The following RAB27A variants were observed in gnomAD, a reference collection of about 807,000 sequenced individuals.
RAB27A encodes the protein ras-related protein Rab-27A.
RAB27A carries 17 observed loss-of-function variants against 20.8 expected under a neutral mutation model. That is an observed-to-expected ratio of 0.82 (90% CI 0.56 to 1.23). The LOEUF is 1.23. Ranked by LOEUF, RAB27A falls within the 50% of genes most tolerant of loss-of-function variation. The probability of loss-of-function intolerance (pLI) is 0.00; values close to 1 mark genes in which losing one functional copy is unlikely to be tolerated. For synonymous variants in RAB27A, 85 were observed against 92.8 expected, an observed-to-expected ratio of 0.92 and a Z score of 0.48; for missense variants, 277 against 266.7, an observed-to-expected ratio of 1.04 and a Z score of -0.27.
chr15:55,258,600 C>T (rs534058027), intron 2 of RAB27A, among the ~76,000 whole-genome samples: 27 of 152,204 alleles, frequency 1.8e-4, no homozygotes, highest in Non-Finnish European at 2.9e-4. Flanking sequence ...TTCAGTAATA[C>T]AAGATAATGT....
intron 2 of RAB27A, among the ~76,000 whole-genome samples, chr15:55,296,184 G>A (rs559553684): frequency 1.2e-4 from 18 of 148,762 alleles, no homozygotes; most frequent in East Asian, 4.4e-4. Flanking sequence ...GTGAGCCACC[G>A]TGCCCAGCCC....
chr15:55,275,924 A>AAG (rs1415000502), intron 1 of RAB27A, among the ~76,000 whole-genome samples: 1 of 148,990 alleles, frequency 6.7e-6, no homozygotes, highest in Non-Finnish European at 1.5e-5. Context: ...TAATTAAAAA[A>AAG]AAAAAAAAAA....
At chr15:55,241,005 C>T (rs764160520) in intron 2 of RAB27A, among the ~76,000 whole-genome samples, 6 of 152,118 alleles carry the variant, frequency 3.9e-5, no homozygotes, top group Non-Finnish European at 7.4e-5. Context: ...TGTATACACA[C>T]AAAGTTTGGA....
intron 2 of RAB27A, among the ~76,000 whole-genome samples, chr15:55,296,861 T>C (rs970380651): frequency 6.6e-5 from 10 of 152,036 alleles, no homozygotes; most frequent in African/African-American, 2.4e-4. Context: ...CGTTTTGTCA[T>C]CACCTTCCAC....
chr15:55,211,903 T>A (rs1895042950), intron 6 of RAB27A, among the ~76,000 whole-genome samples: 1 of 151,576 alleles, frequency 6.6e-6, no homozygotes, highest in South Asian at 2.1e-4. Context: ...AAAAACTGGG[T>A]AAATTCAAAT....
At chr15:55,319,117 G>T (rs535526775), upstream of RAB27A, 2 of 1,076,962 alleles carry the variant, frequency 1.9e-6, no homozygotes, top group African/African-American at 1.6e-5. Context: ...CGTCGGGTGG[G>T]AGCTACGAAG....
intron 2 of RAB27A, among the ~76,000 whole-genome samples, chr15:55,262,339 AGACCATC>A (rs1031428187): frequency 1.3e-5 from 2 of 152,060 alleles, no homozygotes; most frequent in African/African-American, 4.8e-5. Context: ...CAGGAGATCC[AGACCATC>A]CTGGCTAACA....
chr15:55,209,778 A>G (rs1360508920), intron 6 of RAB27A, among the ~76,000 whole-genome samples: 1 of 127,864 alleles, frequency 7.8e-6, no homozygotes, highest in Non-Finnish European at 1.6e-5. Context: ...ATACATATAT[A>G]CACACATATG....
chr15:55,270,578 C>T (rs144353052), intron 1 of RAB27A, among the ~76,000 whole-genome samples: 5 of 152,280 alleles, frequency 3.3e-5, no homozygotes, highest in African/African-American at 1.2e-4. Flanking sequence ...TTTCTTCCGC[C>T]CACCTACCCC....
rs371945954 is a variant in RAB27A, at chr15:55,274,794, TTATATATA to T, written c.-142-4518_-142-4511del. ...ATCCGTCCTTAAAAAAATAAATAAA[TTATATATA>T]TATATATATATATATATATATATGT... On this transcript the variant is annotated intron_variant, in intron 1 of 6. Transcript: ENST00000336787. 3.3e-3 allele frequency among the ~76,000 whole-genome samples: 173 copies of T among 52,156 alleles called. 9 individuals are homozygous for T. The highest frequency in any genetic ancestry group is 0.016 in the Middle Eastern group (1 of 64). 34.2% of individuals were successfully genotyped at this position (52,156 alleles called of 152,430 possible).
At chr15:55,274,794 T>TATATATATATATATATATATATA (rs1897805753) in intron 1 of RAB27A, among the ~76,000 whole-genome samples, 3 of 52,154 alleles carry the variant, frequency 5.8e-5, no homozygotes, top group Non-Finnish European at 8.7e-5. Flanking sequence ...AATAAATAAA[T>TATATATATATATATATATATATA]TATATATATA....
At chr15:55,304,946 G>T (rs1275485992) in intron 2 of RAB27A, among the ~76,000 whole-genome samples, 1 of 152,076 alleles carries the variant, frequency 6.6e-6, no homozygotes, top group Admixed American at 6.6e-5. Flanking sequence ...ACCCAAAGAG[G>T]GTAGCAGTTG....
rs925241323 is a variant in RAB27A, at chr15:55,230,308, T to C, written c.239+93A>G. On this transcript the variant is annotated intron_variant, in intron 4 of 6. Coordinates refer to ENST00000336787, the MANE Select transcript of RAB27A (RefSeq NM_183235.3). The stretch of plus-strand genomic sequence containing the variant: ...AGCATTCAAGTGCAAACCAACGAAT[T>C]GGCTGGCTTTTTCCTGCTCAGGTCA... The C allele has an allele frequency of 7.3e-6, 9 of 1,235,248 alleles. No homozygotes were observed. In the African/African-American group the frequency reaches 1.3e-4, roughly 18 times the overall value. The allele number at this position is 1,235,248 out of a possible 1,614,324, so 76.5% of individuals were successfully genotyped here.
At chr15:55,294,581 C>T (rs1337381688), upstream of RAB27A, among the ~76,000 whole-genome samples, 1 of 120,466 alleles carries the variant, frequency 8.3e-6, no homozygotes, top group African/African-American at 3.0e-5. Flanking sequence ...GAACAAAACC[C>T]TGTCTCCGAA....
At chr15:55,232,255 T>C (rs140978188) in intron 3 of RAB27A, among the ~76,000 whole-genome samples, 1,904 of 152,278 alleles carry the variant, frequency 0.013, 43 homozygotes, top group South Asian at 0.018. Flanking sequence ...GAGACTTCAG[T>C]AGCTGCATAC....
chr15:55,304,186 C>T (rs1331098173), intron 2 of RAB27A, among the ~76,000 whole-genome samples: 17 of 151,954 alleles, frequency 1.1e-4, no homozygotes, highest in Admixed American at 1.1e-3. Context: ...CTCTCTGAAA[C>T]ATGTGCTGTG....
At position 55,271,725 on chromosome 15, in the gene RAB27A, T is replaced by G. The variant is rs188813680; in HGVS notation, c.-142-1441A>C. 1.0e-3 allele frequency among the ~76,000 whole-genome samples: 155 copies of G among 152,360 alleles called. No homozygotes were observed. The East Asian group carries it at 0.025, about 25-fold the overall frequency. Reference sequence around the variant, plus strand: ...CAATCACTTATTGAGCACTTATGAATTATTGGGTGAAATGTCGGACATAGA... The same window carrying G: ...CAATCACTTATTGAGCACTTATGAAGTATTGGGTGAAATGTCGGACATAGA... On this transcript the variant is annotated intron_variant, in intron 1 of 6. Transcript: ENST00000336787.
chr15:55,243,499 A>G (rs768315747), intron 2 of RAB27A, among the ~76,000 whole-genome samples: 1 of 152,068 alleles, frequency 6.6e-6, no homozygotes, highest in Non-Finnish European at 1.5e-5. Context: ...TACTAAAAAT[A>G]CAAAAAATTG....
intron 2 of RAB27A, among the ~76,000 whole-genome samples, chr15:55,241,624 A>ATATATATATGTGTGTG (rs377301086): frequency 5.1e-5 from 6 of 117,634 alleles, no homozygotes; most frequent in African/African-American, 2.6e-4. Flanking sequence ...ATATATATAT[A>ATATATATATGTGTGTG]TGTGTGTATA....
Sources: allele counts gnomAD v4.1 joint callset (sites outside exome capture counted in the v4.1 genomes callset), GRCh38; gene constraint gnomAD v4.1.1; transcripts MANE v1.5; gene names NCBI Gene and HGNC (gene_info 2026-07-23, HGNC 2026-07-21).